Variants in WDR64 observed in about 807,000 individuals in gnomAD.
The protein encoded by WDR64 is WD repeat domain 64, also known as WD repeat-containing protein 64.
Under a neutral mutation model 139.3 loss-of-function variants are expected in WDR64, and 112 were observed. That is an observed-to-expected ratio of 0.80 (90% confidence interval 0.69 to 0.94). WDR64 has a LOEUF of 0.94. Among genes scored for constraint, WDR64 ranks in the 40% least tolerant of loss-of-function variants. The pLI is 0.00. For synonymous variants in WDR64, 444 were observed against 437.7 expected (o/e 1.01, Z -0.18); for missense variants, 1,206 against 1,293.1 (o/e 0.93, Z 1.03).
intron 4 of WDR64, 79 bp downstream of exon 4, chr1:241,674,826 CCT>C: frequency 4.5e-6 from 3 of 668,754 alleles, no homozygotes; most frequent in South Asian, 4.0e-5. Flanking sequence ...TTTCTCCCCC[CCT>C]CCCTCCCTCC....
In WDR64 at chr1:241,656,537, A is replaced by G. The variant is rs567597948; in HGVS notation, c.145+3908A>G. Among the ~76,000 whole-genome samples the G allele has an allele frequency of 1.3e-5, 2 of 152,284 alleles. No individual in the cohort carries two copies. Among genetic ancestry groups the G allele is most frequent in the Admixed American group, 1.3e-4 (2 of 15,296 alleles). Reference sequence around the variant, plus strand: ...TTCAGATGCCTCATGAGAATTTCTGACTCAATATTACCAAAATAGAGTGCT... The same window carrying G: ...TTCAGATGCCTCATGAGAATTTCTGGCTCAATATTACCAAAATAGAGTGCT... On this transcript the variant is annotated intron_variant, in intron 1 of 27. Coordinates refer to ENST00000437684, the MANE Select transcript of WDR64 (RefSeq NM_001367482.1). The surrounding 1 kb of genome is among the most constrained non-coding windows in gnomAD (Gnocchi z 4.3).
intron 1 of WDR64, among the ~76,000 whole-genome samples, chr1:241,653,580 A>G (rs1212616087): frequency 1.6e-5 from 2 of 124,894 alleles, no homozygotes; most frequent in African/African-American, 6.0e-5. Context: ...TTTCATTCCT[A>G]TTGCCCAGGC....
At position 241,723,289 on chromosome 1, in the gene WDR64, C is replaced by A; in HGVS notation, c.1055-8C>A. The A allele has an allele frequency of 1.2e-6, 2 of 1,613,472 alleles. No homozygotes were observed. Among genetic ancestry groups the A allele is most frequent in the Non-Finnish European group, 1.7e-6 (2 of 1,179,704 alleles). On this transcript the variant is annotated splice_polypyrimidine_tract_variant and splice_region_variant and intron_variant, in intron 9 of 27. Transcript: ENST00000437684. ...AAACCAACAATCTTTCCCTGTCCTC[C>A]TTTTCAGGAGATGATAAGGTCATCC...
intron 9 of WDR64, 49 bp downstream of exon 9, chr1:241,711,930 C>T (rs750983312): frequency 9.6e-6 from 15 of 1,568,804 alleles, no homozygotes; most frequent in East Asian, 2.2e-5. Context: ...TTGCAAACAT[C>T]GTTCTCTTCG....
chr1:241,718,098 A>C (rs1413720170), intron 9 of WDR64, among the ~76,000 whole-genome samples: 1 of 152,204 alleles, frequency 6.6e-6, no homozygotes, highest in Non-Finnish European at 1.5e-5. Context: ...TTCGCTCAAA[A>C]TACGTGTCCT....
In WDR64 at chr1:241,790,953, C is replaced by T. The variant is rs1484180853; in HGVS notation, c.2997+257C>T. ...TTCTGAAGGTTGTAAGAGAGAAGAC[C>T]GTATTCCTTAGCTTTGTGGCTCCCT... On this transcript the variant is annotated intron_variant, in intron 25 of 27. Coordinates refer to ENST00000437684, the MANE Select transcript of WDR64 (RefSeq NM_001367482.1). Among the ~76,000 whole-genome samples the T allele has an allele frequency of 3.9e-5, 6 of 152,124 alleles. No individual in the cohort carries two copies. In the East Asian group the frequency reaches 9.7e-4, roughly 25 times the overall value.
intron 8 of WDR64, among the ~76,000 whole-genome samples, chr1:241,702,642 G>A (rs1451673631): frequency 6.6e-6 from 1 of 152,156 alleles, no homozygotes; most frequent in Non-Finnish European, 1.5e-5. Flanking sequence ...GCAAACTGTA[G>A]CCCAAGGCCA....
rs1442762735 is a variant in WDR64 at position 241,674,966 on chromosome 1, CTT to C, written c.483+223_483+224del. 1.5e-3 allele frequency among the ~76,000 whole-genome samples: 44 copies of C among 29,910 alleles called. 2 individuals carry two copies. Among genetic ancestry groups the C allele is most frequent in the South Asian group, 9.3e-3 (7 of 750 alleles). The allele number at this position is 29,910 out of a possible 152,430, so 19.6% of individuals were successfully genotyped here. On this transcript the variant is annotated intron_variant, in intron 4 of 27. Coordinates refer to ENST00000437684, the MANE Select transcript of WDR64 (RefSeq NM_001367482.1). ...CTCCTTCCTTCCTCTCTCCTCCCTT[CTT>C]TTTCTTTCCTTCTTTCCTCCCTTTC...
Position 241,757,320 on chromosome 1 carries a change from A to T in WDR64, c.1808A>T (p.Glu603Val), listed in dbSNP as rs761507864. ...EDDIYLMVIW[E>V]LPDVVPFLQD... ...GATATCTACCTCATGGTGATCTGGG[A>T]GCTGCCTGATGTTGTGCCTTTCCTA... Residue 603 changes from glutamate (E) to valine (V), a missense_variant, in exon 15 of 28, where the codon GAG becomes GTG. Transcript: ENST00000437684. The T allele has an allele frequency of 2.3e-5, 37 of 1,614,032 alleles. No homozygotes were observed. The highest frequency in any genetic ancestry group is 5.0e-5 in the Admixed American group (3 of 59,996).
At chr1:241,676,399 T>C (rs1350939342) in intron 4 of WDR64, 1 of 152,208 alleles carries the variant, frequency 6.6e-6, no homozygotes, top group African/African-American at 2.4e-5. Flanking sequence ...ACAAATAATG[T>C]GAAAACAAAA....
At chr1:241,722,266 C>A (rs1170267530) in intron 9 of WDR64, among the ~76,000 whole-genome samples, 1 of 152,078 alleles carries the variant, frequency 6.6e-6, no homozygotes, top group East Asian at 1.9e-4. Flanking sequence ...TAAATCATGA[C>A]AATATTCATG....
At chr1:241,786,729 A>T (rs1287915144) in intron 23 of WDR64, among the ~76,000 whole-genome samples, 1 of 152,204 alleles carries the variant, frequency 6.6e-6, no homozygotes, top group African/African-American at 2.4e-5. Context: ...AGCCCATTCT[A>T]AGGCCTAATT....
intron 21 of WDR64, among the ~76,000 whole-genome samples, chr1:241,778,471 G>C (rs1015164731): frequency 6.6e-6 from 1 of 152,048 alleles, no homozygotes; most frequent in Non-Finnish European, 1.5e-5. Flanking sequence ...TGTTTTAACT[G>C]GTGTATTTAG....
At chr1:241,663,649 C>T (rs1455431222) in intron 2 of WDR64, among the ~76,000 whole-genome samples, 1 of 152,186 alleles carries the variant, frequency 6.6e-6, no homozygotes, top group Non-Finnish European at 1.5e-5. Flanking sequence ...TAGAGTGGGG[C>T]CTTCCAAAGC....
intron 4 of WDR64, among the ~76,000 whole-genome samples, chr1:241,675,732 C>T (rs1051501063): frequency 6.6e-6 from 1 of 152,176 alleles, no homozygotes; most frequent in Non-Finnish European, 1.5e-5. Flanking sequence ...TTTTTTACAT[C>T]TGTAGAATGA....
At chr1:241,702,983 C>T (rs1667781192) in intron 8 of WDR64, among the ~76,000 whole-genome samples, 1 of 152,260 alleles carries the variant, frequency 6.6e-6, no homozygotes, top group East Asian at 1.9e-4. Flanking sequence ...TTGCACCCTC[C>T]CTTGCCCCTT....
intron 12 of WDR64, among the ~76,000 whole-genome samples, chr1:241,743,217 A>T (rs1669619114): frequency 6.6e-6 from 1 of 152,186 alleles, no homozygotes; most frequent in African/African-American, 2.4e-5. Context: ...GGGAAAAAAG[A>T]GTGGGAGGAC....
At chr1:241,795,357 TG>T in intron 26 of WDR64, 70 bp downstream of exon 26, 1 of 1,401,694 alleles carries the variant, frequency 7.1e-7, no homozygotes, top group South Asian at 1.3e-5. Flanking sequence ...TTCCTGACCC[TG>T]GGCTACCAAG....
intron 23 of WDR64, among the ~76,000 whole-genome samples, chr1:241,784,953 G>GAAAAAAAAAAAAAAAAAAAAAAAAAA (rs58720618): frequency 3.2e-5 from 2 of 62,248 alleles, no homozygotes; most frequent in African/African-American, 1.1e-4. Context: ...GACTCTGTCT[G>GAAAAAAAAAAAAAAAAAAAAAAAAAA]AAAAAAAAAA....
Sources: allele counts gnomAD v4.1 joint callset (sites outside exome capture counted in the v4.1 genomes callset), GRCh38; gene constraint gnomAD v4.1.1; non-coding constraint Gnocchi (gnomAD v3.1); transcripts MANE v1.5; gene names NCBI Gene and HGNC (gene_info 2026-07-23, HGNC 2026-07-21).